The following CALD1 variants were observed in gnomAD, a reference collection of about 807,000 sequenced individuals.
CALD1 encodes caldesmon.
Under a neutral mutation model 99.9 loss-of-function variants are expected in CALD1, and 33 were observed. The ratio of observed to expected loss-of-function variants is 0.33; its 90% CI spans 0.25 to 0.44. The LOEUF (loss-of-function observed/expected upper bound fraction) is 0.44, where lower values mean the gene tolerates loss of function less well. CALD1 is among the 20% of genes least tolerant of loss of function. The pLI, the probability that CALD1 is intolerant of heterozygous loss-of-function variation, is 1.00. For missense variants in CALD1, 861 were observed against 962.1 expected, an observed-to-expected ratio of 0.89 and a Z score of 1.39; for synonymous variants, 310 against 325.0, an observed-to-expected ratio of 0.95 and a Z score of 0.50.
chr7:134,823,404 C>G (rs1798859760), intron 1 of CALD1, among the ~76,000 whole-genome samples: 1 of 152,122 alleles, frequency 6.6e-6, no homozygotes, highest in South Asian at 2.1e-4. Context: ...CCCTTTTTAT[C>G]CAGATAGCTT....
the CALD1 span, among the ~76,000 whole-genome samples, chr7:134,712,588 G>A: frequency 6.6e-6 from 1 of 152,210 alleles, no homozygotes; most frequent in Non-Finnish European, 1.5e-5. Flanking sequence ...AATTAAAGTA[G>A]ACACTAAAGA....
At chr7:134,963,748 A>G (rs1357622029) in intron 13 of CALD1, among the ~76,000 whole-genome samples, 1 of 152,122 alleles carries the variant, frequency 6.6e-6, no homozygotes, top group East Asian at 1.9e-4. Flanking sequence ...AGATTTCCAC[A>G]TGTTCTTACA....
chr7:134,811,201 A>G (rs770507995), intron 1 of CALD1, among the ~76,000 whole-genome samples: 1 of 152,200 alleles, frequency 6.6e-6, no homozygotes, highest in Admixed American at 6.5e-5. Flanking sequence ...CATCAAACAC[A>G]AAGCAGAGGC....
chr7:134,913,038 G>A (rs1018848511), intron 3 of CALD1, among the ~76,000 whole-genome samples: 3 of 152,184 alleles, frequency 2.0e-5, no homozygotes, highest in Non-Finnish European at 2.9e-5. Context: ...GCTGAGGCGG[G>A]TGGATCACCT....
chr7:134,852,827 GT>G (rs1336450739), intron 2 of CALD1, among the ~76,000 whole-genome samples: 1 of 152,152 alleles, frequency 6.6e-6, no homozygotes, highest in Non-Finnish European at 1.5e-5. Context: ...AGAACATCTT[GT>G]TTTCATGAAT....
At chr7:134,798,157 T>C (rs980018572) in intron 1 of CALD1, among the ~76,000 whole-genome samples, 2 of 152,232 alleles carry the variant, frequency 1.3e-5, no homozygotes, top group Non-Finnish European at 2.9e-5. Flanking sequence ...AAATGTAATG[T>C]TCACATTGTA....
chr7:134,762,508 T>C (rs1324615838), intron 1 of CALD1, among the ~76,000 whole-genome samples: 1 of 152,148 alleles, frequency 6.6e-6, no homozygotes, highest in Non-Finnish European at 1.5e-5. Context: ...GACTAGGTAA[T>C]TTATAAAGAA....
At chr7:134,940,141 C>A (rs1382368069) in intron 6 of CALD1, among the ~76,000 whole-genome samples, 3 of 152,132 alleles carry the variant, frequency 2.0e-5, no homozygotes, top group Non-Finnish European at 4.4e-5. Context: ...TTGTAACTGT[C>A]TTGAAAAGAA....
At chr7:134,907,071 G>A (rs907443439) in intron 3 of CALD1, among the ~76,000 whole-genome samples, 1 of 152,220 alleles carries the variant, frequency 6.6e-6, no homozygotes, top group Admixed American at 6.5e-5. Context: ...AAATTAGATC[G>A]CATATACATG....
the CALD1 span, among the ~76,000 whole-genome samples, chr7:134,733,196 T>A: frequency 6.6e-6 from 1 of 152,220 alleles, no homozygotes; most frequent in East Asian, 1.9e-4. Context: ...GTGGCTTTGT[T>A]GTGCTACAAT....
rs1202994154 is a variant in CALD1, at chr7:134,783,536, G to A, written c.-130+3787G>A. 6.6e-6 allele frequency among the ~76,000 whole-genome samples: 1 copy of A among 152,176 alleles called. No homozygotes were observed. Among genetic ancestry groups the A allele is most frequent in the Non-Finnish European group, 1.5e-5 (1 of 68,036 alleles). ...ACCCCAAACTCATAATTGGCAGGCT[G>A]TGGGTAAGGCTATGGGAGCGGGGTC... On this transcript the variant is annotated intron_variant, in intron 1 of 14. Transcript: ENST00000361675. The surrounding 1 kb of genome is among the most constrained non-coding windows in gnomAD (Gnocchi z 4.3).
chr7:134,767,544 T>A (rs182190974), intron 1 of CALD1, among the ~76,000 whole-genome samples: 30 of 152,342 alleles, frequency 2.0e-4, no homozygotes, highest in Admixed American at 1.7e-3. Context: ...TAAGATTGGC[T>A]TTTTTATTTT....
intron 2 of CALD1, among the ~76,000 whole-genome samples, chr7:134,853,392 T>G (rs1211657654): frequency 6.6e-6 from 1 of 152,236 alleles, no homozygotes; most frequent in Non-Finnish European, 1.5e-5. Context: ...AAATTTATGT[T>G]CCCCGTATGA....
intron 11 of CALD1, among the ~76,000 whole-genome samples, chr7:134,959,080 A>C (rs1808047827): frequency 6.6e-6 from 1 of 151,660 alleles, no homozygotes; most frequent in African/African-American, 2.4e-5. Context: ...GCACAATGTG[A>C]AATAAATACT....
At chr7:134,786,007 T>G (rs1396907671) in intron 1 of CALD1, among the ~76,000 whole-genome samples, 1 of 152,214 alleles carries the variant, frequency 6.6e-6, no homozygotes, top group African/African-American at 2.4e-5. Flanking sequence ...AGAAGGATTC[T>G]GAGGATGAAT....
chr7:134,921,193 T>A (rs1804595437), intron 3 of CALD1, among the ~76,000 whole-genome samples: 1 of 152,246 alleles, frequency 6.6e-6, no homozygotes, highest in Non-Finnish European at 1.5e-5. Flanking sequence ...AACAGTTGTC[T>A]CATGTATGAA....
At chr7:134,819,883 AAAACAAAC>A (rs72265088) in intron 1 of CALD1, among the ~76,000 whole-genome samples, 15 of 150,868 alleles carry the variant, frequency 9.9e-5, no homozygotes, top group South Asian at 4.2e-4. Context: ...TCTCAAAAAC[AAAACAAAC>A]AAACAAACAA....
chr7:134,909,078 C>G (rs1236540662), intron 3 of CALD1, among the ~76,000 whole-genome samples: 1 of 152,100 alleles, frequency 6.6e-6, no homozygotes, highest in Non-Finnish European at 1.5e-5. Flanking sequence ...GCAAGTTATT[C>G]ATCCCTTGAT....
chr7:134,890,961 T>A (rs1802131719), intron 3 of CALD1, among the ~76,000 whole-genome samples: 1 of 152,224 alleles, frequency 6.6e-6, no homozygotes. Flanking sequence ...GAGGAGTTTC[T>A]CAGATTTGAT....
Sources: allele counts gnomAD v4.1 joint callset (sites outside exome capture counted in the v4.1 genomes callset), GRCh38; gene constraint gnomAD v4.1.1; non-coding constraint Gnocchi (gnomAD v3.1); transcripts MANE v1.5; gene names NCBI Gene and HGNC (gene_info 2026-07-23, HGNC 2026-07-21).